Variants in KCNIP4 observed in about 807,000 individuals in gnomAD.
KCNIP4 encodes Kv channel-interacting protein 4.
Under a neutral mutation model 34.0 loss-of-function variants are expected in KCNIP4, and 12 were observed. That is an observed-to-expected ratio of 0.35 (90% CI 0.23 to 0.57). The LOEUF is 0.57. Among genes scored for constraint, KCNIP4 ranks in the 20% least tolerant of loss-of-function variants. The pLI is 0.83. For missense variants in KCNIP4, 238 were observed against 311.7 expected (o/e 0.76, Z 1.78); for synonymous variants, 124 against 102.2 (o/e 1.21, Z -1.29).
At position 21,245,432 on chromosome 4, in the gene KCNIP4, T is replaced by G. The variant is rs376862720; in HGVS notation, c.62-362723A>C. Among the ~76,000 whole-genome samples the G allele has an allele frequency of 2.0e-3, 298 of 152,322 alleles. 11 individuals are homozygous for G. The South Asian group carries it at 0.06, about 31-fold the overall frequency. ...TAAATATAAGCTCCATGAATGCAAT[T>G]ACTGTGTTTCATTTGCTTTTGCTTT... On this transcript the variant is annotated intron_variant, in intron 1 of 8. Transcript: ENST00000382152.
At chr4:21,660,116 G>A (rs1748323299) in intron 1 of KCNIP4, among the ~76,000 whole-genome samples, 1 of 152,008 alleles carries the variant, frequency 6.6e-6, no homozygotes, top group African/African-American at 2.4e-5. Flanking sequence ...CTTATTTAAA[G>A]TCTTAGGATT....
rs575948773 is a variant in KCNIP4, at chr4:20,837,682, A to ATTT, written c.288+12860_288+12861insAAA. Among the ~76,000 whole-genome samples, 293 of 109,700 alleles carry ATTT rather than the reference A, an allele frequency of 2.7e-3. 2 individuals are homozygous for ATTT. In the East Asian group the frequency reaches 0.031, roughly 12 times the overall value. The allele number at this position is 109,700 out of a possible 152,430, so 72.0% of individuals were successfully genotyped here. ...CAGTGCTATATATATATATATATAT[A>ATTT]TATATTTTTTTTTCCTTGGAGATGG... On this transcript the variant is annotated intron_variant, in intron 3 of 8. Transcript: ENST00000382152.
At chr4:21,069,578 A>C (rs1744712504) in intron 1 of KCNIP4, among the ~76,000 whole-genome samples, 1 of 152,186 alleles carries the variant, frequency 6.6e-6, no homozygotes, top group Non-Finnish European at 1.5e-5. Context: ...TCTGTAAAAC[A>C]CATACCAGAA....
At chr4:21,853,286 A>C (rs1301631370) in intron 1 of KCNIP4, 2 of 152,188 alleles carry the variant, frequency 1.3e-5, no homozygotes, top group Admixed American at 1.3e-4. Context: ...TAGGGCTCTA[A>C]TATTTTACTG....
chr4:21,369,977 G>T (rs1444909221), intron 1 of KCNIP4, among the ~76,000 whole-genome samples: 1 of 146,418 alleles, frequency 6.8e-6, no homozygotes, highest in Non-Finnish European at 1.5e-5. Flanking sequence ...ACAGGCACCT[G>T]CCACCATGCC....
intron 1 of KCNIP4, among the ~76,000 whole-genome samples, chr4:20,951,482 G>C (rs552966700): frequency 2.5e-4 from 38 of 152,282 alleles, no homozygotes; most frequent in African/African-American, 7.2e-4. Context: ...AAATGATTAA[G>C]TAAAAGATAT....
At chr4:21,460,713 C>T (rs963036775) in intron 1 of KCNIP4, among the ~76,000 whole-genome samples, 2 of 152,022 alleles carry the variant, frequency 1.3e-5, no homozygotes, top group Non-Finnish European at 2.9e-5. Flanking sequence ...CTCCAAGTAC[C>T]ATTCCATTGC....
At chr4:21,263,036 T>C (rs1761572500) in intron 1 of KCNIP4, among the ~76,000 whole-genome samples, 1 of 152,216 alleles carries the variant, frequency 6.6e-6, no homozygotes, top group Non-Finnish European at 1.5e-5. Context: ...GAATTCCTTC[T>C]TCCTGCTCTG....
chr4:21,114,290 C>A (rs2109113483), intron 1 of KCNIP4, among the ~76,000 whole-genome samples: 1 of 152,112 alleles, frequency 6.6e-6, no homozygotes, highest in Admixed American at 6.5e-5. Flanking sequence ...TTTTAGAATG[C>A]AAGAAAAAAC....
chr4:20,742,314 C>T (rs1365175574), intron 5 of KCNIP4, among the ~76,000 whole-genome samples: 1 of 152,126 alleles, frequency 6.6e-6, no homozygotes, highest in Non-Finnish European at 1.5e-5. Flanking sequence ...TGCAAAAATC[C>T]TCAATAAAAT....
chr4:21,519,755 GTA>G lies in KCNIP4; in HGVS notation c.61+428814_61+428815del, dbSNP rs555208226. On this transcript the variant is annotated intron_variant, in intron 1 of 8. Transcript: ENST00000382152. ...GTATATGTATGATACACACGTGTGT[GTA>G]TGTATGTGTGTATACACACGTGTGT... Among the ~76,000 whole-genome samples the G allele has an allele frequency of 8.0e-3, 1,031 of 128,920 alleles. 21 individuals are homozygous for G. Among genetic ancestry groups the G allele is most frequent in the Non-Finnish European group, 0.01 (661 of 65,058 alleles). 84.6% of individuals were successfully genotyped at this position (128,920 alleles called of 152,430 possible). A position where few individuals can be genotyped will look rare whatever the true frequency, so the allele number is the denominator to read the frequency against.
At chr4:21,499,056 G>T (rs952560575) in intron 1 of KCNIP4, among the ~76,000 whole-genome samples, 1 of 152,092 alleles carries the variant, frequency 6.6e-6, no homozygotes, top group Admixed American at 6.5e-5. Flanking sequence ...ACATAGGCTG[G>T]GTGCAGTGGC....
intron 1 of KCNIP4, among the ~76,000 whole-genome samples, chr4:20,999,160 T>C (rs1017548362): frequency 6.6e-6 from 1 of 152,118 alleles, no homozygotes; most frequent in Admixed American, 6.5e-5. Flanking sequence ...CAGACAAAGA[T>C]AGGAAAAATC....
chr4:21,544,573 T>C (rs550275758), intron 1 of KCNIP4: 1 of 152,276 alleles, frequency 6.6e-6, no homozygotes, highest in African/African-American at 2.4e-5. Context: ...GAGGTCACAA[T>C]TGCATTGCTA....
chr4:21,889,922 T>C, intron 1 of KCNIP4, among the ~76,000 whole-genome samples: 1 of 152,120 alleles, frequency 6.6e-6, no homozygotes, highest in Non-Finnish European at 1.5e-5. Flanking sequence ...ACCCTTAGTG[T>C]TAGTTTGAAT....
intron 1 of KCNIP4, among the ~76,000 whole-genome samples, chr4:21,750,235 T>C (rs1577937608): frequency 6.6e-6 from 1 of 152,176 alleles, no homozygotes; most frequent in Non-Finnish European, 1.5e-5. Flanking sequence ...AACCCTTTAT[T>C]TTATTTAGCA....
At chr4:20,756,259 T>C (rs748701626) in intron 4 of KCNIP4, among the ~76,000 whole-genome samples, 76 of 151,984 alleles carry the variant, frequency 5.0e-4, no homozygotes, top group Non-Finnish European at 9.1e-4. Context: ...CTATATTGAG[T>C]AGATGTCAAA....
chr4:21,220,760 C>T (rs990625106), intron 1 of KCNIP4, among the ~76,000 whole-genome samples: 1 of 151,978 alleles, frequency 6.6e-6, no homozygotes, highest in African/African-American at 2.4e-5. Flanking sequence ...TAAGCTTCAC[C>T]TGAAGCTTCA....
intron 3 of KCNIP4, among the ~76,000 whole-genome samples, chr4:20,801,624 T>C (rs1290317916): frequency 6.6e-6 from 1 of 152,022 alleles, no homozygotes; most frequent in East Asian, 1.9e-4. Context: ...AAATAGCTGA[T>C]TAAAACTATA....
Sources: gnomAD v4.1 joint callset for allele counts (sites outside exome capture counted in the v4.1 genomes callset) on GRCh38, gnomAD v4.1.1 for gene constraint, MANE v1.5 for transcripts, NCBI Gene and HGNC (gene_info 2026-07-23, HGNC 2026-07-21) for gene names.